PROSER1: variants seen among roughly 807,000 people sequenced by gnomAD.
The protein encoded by PROSER1 is proline and serine rich 1.
A neutral mutation model predicts 71.8 loss-of-function variants in PROSER1; 36 were observed. The ratio of observed to expected loss-of-function variants is 0.50; its 90% CI spans 0.38 to 0.66. The LOEUF (loss-of-function observed/expected upper bound fraction) is 0.66, where lower values mean the gene tolerates loss of function less well. Among genes scored for constraint, PROSER1 ranks in the 30% least tolerant of loss-of-function variants. The pLI, the probability that PROSER1 is intolerant of heterozygous loss-of-function variation, is 0.00. For missense variants in PROSER1, 1,107 were observed against 1,135.0 expected, an observed-to-expected ratio of 0.98 and a Z score of 0.35; for synonymous variants, 490 against 452.4, an observed-to-expected ratio of 1.08 and a Z score of -1.06.
intron 5 of PROSER1, among the ~76,000 whole-genome samples, chr13:39,027,804 T>C (rs1030846721): frequency 6.6e-6 from 1 of 152,234 alleles, no homozygotes; most frequent in African/African-American, 2.4e-5. Context: ...TTACAGATTT[T>C]TAACTAATAA....
At position 39,014,422 on chromosome 13, in the gene PROSER1, G is replaced by C; in HGVS notation, c.830C>G (p.Thr277Arg). The change falls in exon 11 of 13, where the codon ACA becomes AGA. Residue 277 changes from threonine to arginine, a missense_variant. Coordinates refer to ENST00000352251, the MANE Select transcript of PROSER1 (RefSeq NM_025138.5). The part of the protein sequence containing the change: ...LFSPHGSNPS[T>R]PAATPVPTAS... ...AGTAGGAACAGGAGTTGCAGCAGGTGTTGAAGGATTAGAACCATGAGGAGA... is the reference window on the plus strand; with the variant it reads ...AGTAGGAACAGGAGTTGCAGCAGGTCTTGAAGGATTAGAACCATGAGGAGA... 1 of 1,614,068 alleles carries C rather than the reference G, an allele frequency of 6.2e-7. No homozygotes were observed. Among genetic ancestry groups the C allele is most frequent in the Non-Finnish European group, 8.5e-7 (1 of 1,179,998 alleles).
intron 6 of PROSER1, 45 bp downstream of exon 6, chr13:39,026,232 C>A: frequency 8.1e-7 from 1 of 1,232,872 alleles, no homozygotes; most frequent in Admixed American, 1.8e-5. Context: ...ACACTTCATA[C>A]TTAACCATGA....
At chr13:39,030,840 G>A (rs1195365430) in intron 3 of PROSER1, among the ~76,000 whole-genome samples, 1 of 152,004 alleles carries the variant, frequency 6.6e-6, no homozygotes, top group Non-Finnish European at 1.5e-5. Flanking sequence ...GAACAGGTGC[G>A]ATAACTCTTT....
intron 2 of PROSER1, among the ~76,000 whole-genome samples, chr13:39,032,255 A>T (rs1870881678): frequency 6.6e-6 from 1 of 152,208 alleles, no homozygotes; most frequent in Non-Finnish European, 1.5e-5. Context: ...GTCAACATGA[A>T]TTACTCCAGC....
At chr13:39,026,451 G>A in intron 5 of PROSER1, 64 bp from the exon 6 acceptor site, 2 of 970,818 alleles carry the variant, frequency 2.1e-6, no homozygotes, top group Non-Finnish European at 3.1e-6. Flanking sequence ...TCTGAACATT[G>A]GGAGCTCAGC....
intron 10 of PROSER1, among the ~76,000 whole-genome samples, chr13:39,015,306 C>T (rs1422032471): frequency 6.6e-6 from 1 of 152,072 alleles, no homozygotes; most frequent in Non-Finnish European, 1.5e-5. Flanking sequence ...TGTGGGCTCC[C>T]CTCTGAATGT....
At chr13:39,022,106 C>T (rs753000371) in intron 9 of PROSER1, among the ~76,000 whole-genome samples, 1 of 152,136 alleles carries the variant, frequency 6.6e-6, no homozygotes, top group Non-Finnish European at 1.5e-5. Context: ...TGTTACTGAA[C>T]AGATGCTATT....
In PROSER1 at chr13:39,013,553, C is replaced by G; in HGVS notation, c.1699G>C (p.Ala567Pro). The change falls in exon 11 of 13, where the codon GCT becomes CCT. Residue 567 changes from alanine (A) to proline (P), a missense_variant. Coordinates refer to ENST00000352251, the MANE Select transcript of PROSER1 (RefSeq NM_025138.5). ...CAGCTAACTGGCACTGACGTGGAAG[C>G]TGATGCAGCAGTGGCTAAAGGAGAC... ...VQSPLATAAS[A>P]STSVPVSCGS... is the part of the protein sequence containing the mutation. 6.2e-7 allele frequency: 1 copy of G among 1,614,100 alleles called. No homozygotes were observed. Among genetic ancestry groups the G allele is most frequent in the Admixed American group, 1.7e-5 (1 of 60,014 alleles).
chr13:39,029,325 G>C lies in PROSER1; in HGVS notation c.231C>G (p.Phe77Leu), dbSNP rs1237360134. The C allele has an allele frequency of 2.6e-6, 4 of 1,543,750 alleles. No individual in the cohort carries two copies. Among genetic ancestry groups the C allele is most frequent in the Non-Finnish European group, 2.6e-6 (3 of 1,152,058 alleles). ...PTEVVNILNC[F>L]TFSKDKLVAL... ...CAACTAGTTTGTCTTTACTGAAAGT[G>C]AAACAGTTGAGTATATTGACCACTT... The change falls in exon 4 of 13, where the codon TTC (phenylalanine) becomes TTG (leucine). Residue 77 changes from phenylalanine (F) to leucine (L), a missense_variant. Phe to Leu is a conservative substitution (Grantham distance 22, BLOSUM62 0). Coordinates refer to ENST00000352251, the MANE Select transcript of PROSER1 (RefSeq NM_025138.5).
chr13:39,034,426 C>A (rs1871001853), intron 1 of PROSER1, among the ~76,000 whole-genome samples: 1 of 152,134 alleles, frequency 6.6e-6, no homozygotes, highest in Non-Finnish European at 1.5e-5. Context: ...TGCTGGGCTT[C>A]CCTACCAACT....
intron 9 of PROSER1, among the ~76,000 whole-genome samples, chr13:39,019,592 A>G (rs561245303): frequency 4.0e-5 from 6 of 150,640 alleles, no homozygotes; most frequent in African/African-American, 1.2e-4. Context: ...AAGTTTTTGT[A>G]TACTGACAAC....
In PROSER1 at chr13:39,010,157, T is replaced by C. The variant is rs140718212; in HGVS notation, c.*1208A>G. On this transcript the variant is annotated 3_prime_UTR_variant, in exon 13 of 13. Coordinates refer to ENST00000352251, the MANE Select transcript of PROSER1 (RefSeq NM_025138.5). ...TTAGTAAAACACAGAATATTTGTCA[T>C]ATCCATAGTTTATTTTAAAAAACTG... 5 of 144,298 alleles carry C rather than the reference T, an allele frequency of 3.5e-5. No individual in the cohort carries two copies. The highest frequency in any genetic ancestry group is 2.7e-4 in the Admixed American group (4 of 14,820). The allele number at this position is 144,298 out of a possible 1,614,324, so 8.9% of individuals were successfully genotyped here. A position where few individuals can be genotyped will look rare whatever the true frequency, so the allele number is the denominator to read the frequency against.
chr13:39,018,635 C>T (rs996606572), intron 9 of PROSER1, among the ~76,000 whole-genome samples: 4 of 150,896 alleles, frequency 2.7e-5, no homozygotes, highest in Non-Finnish European at 5.9e-5. Flanking sequence ...TGGTTGGAAA[C>T]AAGAAACAAA....
chr13:39,035,179 A>G (rs1871040061), intron 1 of PROSER1, among the ~76,000 whole-genome samples: 1 of 152,214 alleles, frequency 6.6e-6, no homozygotes, highest in Non-Finnish European at 1.5e-5. Flanking sequence ...ATTCACTGAA[A>G]AGGGAGAAAA....
chr13:39,014,296 T>C lies in PROSER1; in HGVS notation c.956A>G (p.Gln319Arg), dbSNP rs1869889355. Residue 319 changes from glutamine to arginine, a missense_variant, in exon 11 of 13, where the codon CAG (glutamine) becomes CGG (arginine). By Grantham distance (43) the Gln-to-Arg change is conservative (BLOSUM62 1). Coordinates refer to ENST00000352251, the MANE Select transcript of PROSER1 (RefSeq NM_025138.5). ...AGGTGTGTGAACGGCTGAGGAGACC[T>C]GCCCTGGGAACACAGGAAGGACAGT... Reference protein sequence around the residue: ...LNTVLPVFPGQVSSAVHTPQP... With the variant: ...LNTVLPVFPGRVSSAVHTPQP... The C allele has an allele frequency of 6.2e-7, 1 of 1,614,002 alleles. No individual in the cohort carries two copies. The highest frequency in any genetic ancestry group is 1.3e-5 in the African/African-American group (1 of 74,894).
chr13:39,031,511 G>A, intron 3 of PROSER1, 52 bp downstream of exon 3: 1 of 1,273,292 alleles, frequency 7.9e-7, no homozygotes, highest in African/African-American at 1.5e-5. Context: ...ACAACTGGGA[G>A]AATTAAAAAT....
Position 39,012,910 on chromosome 13 carries a change from A to T in PROSER1, c.2342T>A (p.Leu781Gln). The change falls in exon 11 of 13, where the codon CTG becomes CAG. Residue 781 changes from leucine (L) to glutamine (Q), a missense_variant. Leu to Gln is a moderately radical substitution (Grantham distance 113). Coordinates refer to ENST00000352251, the MANE Select transcript of PROSER1 (RefSeq NM_025138.5). The stretch of plus-strand genomic sequence containing the variant: ...TGGATAGGAGGGATTTGAAGATGAC[A>T]GAGGTCCTTGAGTAACAGAGAAAAG... ...PSLFSVTQGP[L>Q]SSSNPSYPGF... 1 of 1,614,158 alleles carries T rather than the reference A, an allele frequency of 6.2e-7. No homozygotes were observed. Among genetic ancestry groups the T allele is most frequent in the South Asian group, 1.1e-5 (1 of 91,084 alleles).
In PROSER1 at chr13:39,027,772, A is replaced by C. The variant is rs1003463703; in HGVS notation, c.369+455T>G. 3.9e-5 allele frequency among the ~76,000 whole-genome samples: 6 copies of C among 152,220 alleles called. No homozygotes were observed. The South Asian group carries it at 6.2e-4, about 16-fold the overall frequency. On this transcript the variant is annotated intron_variant, in intron 5 of 12. Coordinates refer to ENST00000352251, the MANE Select transcript of PROSER1 (RefSeq NM_025138.5). ...GACAAATCAAGTTTTCTAGGGTTGG[A>C]CAAGTACTATTTCTCCCATTCTTAC...
rs764881275 is a variant in PROSER1, at chr13:39,013,578, C to A, written c.1674G>T (p.Gln558His). Reference protein sequence around the residue: ...STSTPLTLPVQSPLATAASAS... With the variant: ...STSTPLTLPVHSPLATAASAS... ...CTGATGCAGCAGTGGCTAAAGGAGA[C>A]TGTACAGGCAATGTCAGGGGAGTGG... is the stretch of plus-strand genomic sequence containing the variant. The change falls in exon 11 of 13, where the codon CAG becomes CAT. Residue 558 changes from glutamine to histidine, a missense_variant. By Grantham distance (24) the Gln-to-His change is conservative (BLOSUM62 0). Transcript: ENST00000352251. 29 of 1,614,114 alleles carry A rather than the reference C, an allele frequency of 1.8e-5. No individual in the cohort carries two copies. The Admixed American group carries it at 4.8e-4, about 27-fold the overall frequency.
Sources: allele counts gnomAD v4.1 joint callset (sites outside exome capture counted in the v4.1 genomes callset), GRCh38; gene constraint gnomAD v4.1.1; transcripts MANE v1.5; gene names NCBI Gene and HGNC (gene_info 2026-07-23, HGNC 2026-07-21).